PDE4B: variants seen among roughly 807,000 people sequenced by gnomAD.
PDE4B encodes the protein 3',5'-cyclic-AMP phosphodiesterase 4B.
Under a neutral mutation model 82.2 loss-of-function variants are expected in PDE4B, and 20 were observed. That is an observed-to-expected ratio of 0.24 (90% CI 0.17 to 0.35). PDE4B has a LOEUF of 0.35. Ranked by LOEUF, PDE4B falls within the 10% of genes least tolerant of loss-of-function variation. PDE4B has a pLI of 1.00. For missense variants in PDE4B, 655 were observed against 907.2 expected, an observed-to-expected ratio of 0.72 and a Z score of 3.57; for synonymous variants, 320 against 318.9, an observed-to-expected ratio of 1.00 and a Z score of -0.04.
At chr1:66,341,527 C>T (rs1660982121) in intron 8 of PDE4B, among the ~76,000 whole-genome samples, 1 of 152,176 alleles carries the variant, frequency 6.6e-6, no homozygotes, top group South Asian at 2.1e-4. Flanking sequence ...GAGTGAGTTA[C>T]TTTAAATGCC....
intron 3 of PDE4B, among the ~76,000 whole-genome samples, chr1:66,101,446 A>C (rs530256755): frequency 1.4e-4 from 22 of 152,270 alleles, no homozygotes; most frequent in African/African-American, 4.3e-4. Flanking sequence ...ACAGTCCCAC[A>C]AACTGTGTAA....
At chr1:65,976,120 A>C (rs1650395018) in intron 3 of PDE4B, among the ~76,000 whole-genome samples, 1 of 152,150 alleles carries the variant, frequency 6.6e-6, no homozygotes, top group South Asian at 2.1e-4. Context: ...GTGAAAGCAG[A>C]TGTAGGGGCT....
chr1:66,043,801 T>C (rs927770337), intron 3 of PDE4B, among the ~76,000 whole-genome samples: 2 of 151,696 alleles, frequency 1.3e-5, no homozygotes, highest in South Asian at 2.1e-4. Flanking sequence ...GGCAACAGGA[T>C]TGTGTTCTCT....
chr1:66,006,736 T>C (rs537822498), intron 3 of PDE4B, among the ~76,000 whole-genome samples: 67 of 152,190 alleles, frequency 4.4e-4, no homozygotes, highest in African/African-American at 1.6e-3. Context: ...CTGATGACTT[T>C]ATGAGGGGCT....
chr1:66,115,029 A>C (rs1645567512), intron 3 of PDE4B, among the ~76,000 whole-genome samples: 1 of 152,202 alleles, frequency 6.6e-6, no homozygotes, highest in African/African-American at 2.4e-5. Flanking sequence ...AGTTCCAGGT[A>C]TCAAAAAATT....
At chr1:66,271,146 C>G (rs1655445331) in intron 7 of PDE4B, among the ~76,000 whole-genome samples, 1 of 152,248 alleles carries the variant, frequency 6.6e-6, no homozygotes, top group South Asian at 2.1e-4. Context: ...ATTAATACCT[C>G]AGCTAAAGTG....
At chr1:66,217,934 T>C (rs558570055) in intron 3 of PDE4B, among the ~76,000 whole-genome samples, 3 of 152,254 alleles carry the variant, frequency 2.0e-5, no homozygotes, top group East Asian at 3.9e-4. Flanking sequence ...TGATAGGCAG[T>C]AAGAAGACAT....
chr1:65,901,329 C>G (rs1405154156), intron 1 of PDE4B, among the ~76,000 whole-genome samples: 1 of 152,014 alleles, frequency 6.6e-6, no homozygotes, highest in African/African-American at 2.4e-5. Flanking sequence ...AATTAACTTT[C>G]TGATGTGCTT....
intron 3 of PDE4B, among the ~76,000 whole-genome samples, chr1:65,921,219 C>T (rs527995894): frequency 2.6e-5 from 4 of 152,042 alleles, no homozygotes; most frequent in African/African-American, 7.2e-5. Flanking sequence ...CCGCCCGCCT[C>T]GGCCTCCCAA....
chr1:65,824,994 G>T (rs2101260711), intron 1 of PDE4B, among the ~76,000 whole-genome samples: 1 of 152,256 alleles, frequency 6.6e-6, no homozygotes, highest in Admixed American at 6.5e-5. Flanking sequence ...TTTCTTTCAT[G>T]AAATCCCCCA....
At chr1:65,940,408 A>C (rs564037206) in intron 3 of PDE4B, among the ~76,000 whole-genome samples, 1 of 152,286 alleles carries the variant, frequency 6.6e-6, no homozygotes, top group African/African-American at 2.4e-5. Context: ...TTATTCTAAC[A>C]GCAAGGGGAA....
At chr1:65,884,428 C>G (rs1442009671) in intron 1 of PDE4B, among the ~76,000 whole-genome samples, 1 of 152,068 alleles carries the variant, frequency 6.6e-6, no homozygotes, top group Non-Finnish European at 1.5e-5. Context: ...AAGAACAAAG[C>G]TGGAGGCATC....
chr1:66,082,336 C>T (rs1282333721), intron 3 of PDE4B, among the ~76,000 whole-genome samples: 1 of 152,226 alleles, frequency 6.6e-6, no homozygotes, highest in Non-Finnish European at 1.5e-5. Context: ...AAGTGAATAC[C>T]TACCTGTGGA....
At chr1:65,998,586 A>G (rs1015055814) in intron 3 of PDE4B, among the ~76,000 whole-genome samples, 4 of 152,152 alleles carry the variant, frequency 2.6e-5, no homozygotes, top group African/African-American at 7.2e-5. Flanking sequence ...TATTTTGTAT[A>G]TCCCGTAACA....
In PDE4B at chr1:66,337,871, A is replaced by G. The variant is rs574540004; in HGVS notation, c.747+5251A>G. Among the ~76,000 whole-genome samples, 7 of 152,286 alleles carry G rather than the reference A, an allele frequency of 4.6e-5. No individual in the cohort carries two copies. The East Asian group carries it at 7.7e-4, about 17-fold the overall frequency. Reference sequence around the variant, plus strand: ...TTTATATAGACTAAATTATGGAGGGAGCAAAATAAAGTGAAAAGAGCCTAG... The same window carrying G: ...TTTATATAGACTAAATTATGGAGGGGGCAAAATAAAGTGAAAAGAGCCTAG... On this transcript the variant is annotated intron_variant, in intron 8 of 16. Coordinates refer to ENST00000341517, the MANE Select transcript of PDE4B (RefSeq NM_002600.4).
At chr1:65,964,186 C>T (rs1366847145) in intron 3 of PDE4B, among the ~76,000 whole-genome samples, 1 of 152,070 alleles carries the variant, frequency 6.6e-6, no homozygotes, top group Non-Finnish European at 1.5e-5. Context: ...TAGCAGTTCT[C>T]GGGTGAAAGA....
chr1:66,368,897 C>T lies in PDE4B; in HGVS notation c.1773C>T (p.Asp591=). ...RIMEEFFQQG[D]KERERGMEIS... ...TGGAGGAATTTTTCCAGCAGGGAGA[C>T]AAAGAGCGGGAGAGGGGAATGGAAA... Residue 591 remains aspartate, a synonymous_variant, in exon 16 of 17, where the codon GAC becomes GAT. Transcript: ENST00000341517. 1 of 1,613,514 alleles carries T rather than the reference C, an allele frequency of 6.2e-7. No homozygotes were observed. Among genetic ancestry groups the T allele is most frequent in the Non-Finnish European group, 8.5e-7 (1 of 1,179,632 alleles).
intron 3 of PDE4B, among the ~76,000 whole-genome samples, chr1:66,014,086 T>TG (rs1392505626): frequency 3.5e-4 from 2 of 5,676 alleles, no homozygotes; most frequent in East Asian, 0.1. Context: ...ATTGGCCATT[T>TG]AGTATCTTCT....
At chr1:66,298,163 T>C (rs975802928) in intron 7 of PDE4B, among the ~76,000 whole-genome samples, 1 of 152,188 alleles carries the variant, frequency 6.6e-6, no homozygotes, top group Non-Finnish European at 1.5e-5. Context: ...TTTGTTCTCA[T>C]GCTGACTCTT....
Sources: gnomAD v4.1 joint callset for allele counts (sites outside exome capture counted in the v4.1 genomes callset) on GRCh38, gnomAD v4.1.1 for gene constraint, MANE v1.5 for transcripts, NCBI Gene and HGNC (gene_info 2026-07-23, HGNC 2026-07-21) for gene names.